NHSL3: variants seen among roughly 807,000 people sequenced by gnomAD.
NHSL3 encodes NHS-like protein 3.
At chr1:32,742,189 G>A in the NHSL3 span, 4 of 1,248,546 alleles carry the variant, frequency 3.2e-6, no homozygotes, top group Non-Finnish European at 4.0e-6. Context: ...CAAAGGCCGA[G>A]GTAAGGCGGT....
chr1:32,765,710 C>G, the NHSL3 span: 5 of 1,543,346 alleles, frequency 3.2e-6, no homozygotes, highest in Non-Finnish European at 4.4e-6. Flanking sequence ...AGGTACGCCC[C>G]GCGCTCTGCT....
chr1:32,773,299 T>C, the NHSL3 span: 1 of 217,050 alleles, frequency 4.6e-6, no homozygotes, highest in East Asian at 1.0e-4. Flanking sequence ...GAAAAGTGGC[T>C]GCATGGCCAT....
the NHSL3 span, chr1:32,742,065 C>A: frequency 7.9e-7 from 1 of 1,262,838 alleles, no homozygotes; most frequent in Non-Finnish European, 1.0e-6. Flanking sequence ...TCCGCCGCGC[C>A]TTCAGCTGGC....
At chr1:32,743,580 G>T in the NHSL3 span, among the ~76,000 whole-genome samples, 5 of 152,228 alleles carry the variant, frequency 3.3e-5, no homozygotes, top group Non-Finnish European at 7.3e-5. Context: ...ATTCAAGAGG[G>T]CATTGCAGCA....
chr1:32,742,242 G>C, the NHSL3 span: 2 of 1,237,822 alleles, frequency 1.6e-6, no homozygotes, highest in East Asian at 6.3e-5. Context: ...GGGTGCGGCC[G>C]AGGGGGCTCT....
chr1:32,769,480 A>T, the NHSL3 span, among the ~76,000 whole-genome samples: 1 of 152,228 alleles, frequency 6.6e-6, no homozygotes, highest in African/African-American at 2.4e-5. Flanking sequence ...CACTAAAGGG[A>T]AATTACCATC....
At chr1:32,751,095 G>A in the NHSL3 span, among the ~76,000 whole-genome samples, 4 of 152,214 alleles carry the variant, frequency 2.6e-5, no homozygotes, top group Admixed American at 2.6e-4. Context: ...ACAGGCATGA[G>A]CCACCGTGCC....
chr1:32,768,810 TCCATTGGGTC>T, the NHSL3 span: 3 of 1,604,202 alleles, frequency 1.9e-6, no homozygotes, highest in Non-Finnish European at 2.6e-6. Context: ...GACAGTGGGC[TCCATTGGGTC>T]CCAGCATCTG....
the NHSL3 span, chr1:32,742,227 G>A: frequency 1.7e-5 from 21 of 1,239,940 alleles, no homozygotes; most frequent in Admixed American, 5.5e-4. Context: ...GCGGGGGGGC[G>A]TCGAGGGTGC....
chr1:32,742,312 A>G, the NHSL3 span: 1 of 965,910 alleles, frequency 1.0e-6, no homozygotes, highest in Non-Finnish European at 1.3e-6. Flanking sequence ...GGTGCTGGAA[A>G]GCGAAGAGGC....
chr1:32,769,984 A>G, the NHSL3 span: 1 of 1,607,608 alleles, frequency 6.2e-7, no homozygotes, highest in Non-Finnish European at 8.5e-7. Context: ...CACCTCAGGG[A>G]TGGGGGCCCG....
the NHSL3 span, chr1:32,774,466 T>G: frequency 1.6e-4 from 24 of 152,348 alleles, no homozygotes; most frequent in Admixed American, 1.2e-3. Context: ...GCCCACTGAG[T>G]TGGGGAAAGA....
chr1:32,767,980 T>G, the NHSL3 span: 3 of 1,611,322 alleles, frequency 1.9e-6, no homozygotes, highest in Non-Finnish European at 2.5e-6. Context: ...TCCACTCCCC[T>G]CCCCTCTCCT....
chr1:32,768,929 A>G, the NHSL3 span: 147 of 969,406 alleles, frequency 1.5e-4, no homozygotes, highest in South Asian at 2.4e-3. Flanking sequence ...TTCGTGATAC[A>G]CACTAACTAT....
At chr1:32,742,183 G>A in the NHSL3 span, 2 of 1,248,546 alleles carry the variant, frequency 1.6e-6, no homozygotes, top group African/African-American at 1.6e-5. Flanking sequence ...CAAGGGCAAA[G>A]GCCGAGGTAA....
chr1:32,744,465 G>T, the NHSL3 span, among the ~76,000 whole-genome samples: 2 of 152,124 alleles, frequency 1.3e-5, no homozygotes, highest in Non-Finnish European at 2.9e-5. Flanking sequence ...TTGACCAAAC[G>T]GATTTAAACT....
the NHSL3 span, chr1:32,767,892 G>A: frequency 1.7e-5 from 28 of 1,613,890 alleles, no homozygotes; most frequent in Non-Finnish European, 2.1e-5. Context: ...CCCAGTGGGC[G>A]ACCCCCCCAC....
At chr1:32,762,390 T>C in the NHSL3 span, among the ~76,000 whole-genome samples, 1 of 152,124 alleles carries the variant, frequency 6.6e-6, no homozygotes, top group East Asian at 1.9e-4. Context: ...ACAGACTCTC[T>C]TTCACAGTCT....
At chr1:32,761,768 G>A in the NHSL3 span, among the ~76,000 whole-genome samples, 7 of 152,220 alleles carry the variant, frequency 4.6e-5, no homozygotes, top group South Asian at 1.5e-3. Flanking sequence ...TGCAAATGTC[G>A]GTCTACTGGT....
Sources: gnomAD v4.1 joint callset for allele counts (sites outside exome capture counted in the v4.1 genomes callset) on GRCh38, gnomAD v4.1.1 for gene constraint, MANE v1.5 for transcripts, NCBI Gene and HGNC (gene_info 2026-07-23, HGNC 2026-07-21) for gene names.